Variants in IQCJ observed in about 807,000 individuals in gnomAD.
The protein encoded by IQCJ is IQ motif containing J.
A neutral mutation model predicts 11.0 loss-of-function variants in IQCJ; 9 were observed. The ratio of observed to expected loss-of-function variants is 0.82; its 90% CI spans 0.49 to 1.43. The LOEUF (loss-of-function observed/expected upper bound fraction) is 1.43, where lower values mean the gene tolerates loss of function less well. Among genes scored for constraint, IQCJ ranks in the 40% most tolerant of loss-of-function variants. IQCJ has a pLI of 0.00. For missense variants in IQCJ, 146 were observed against 133.2 expected (o/e 1.10, Z -0.47); for synonymous variants, 55 against 51.3 (o/e 1.07, Z -0.31).
At chr3:159,170,488 G>T (rs913131390) in intron 1 of IQCJ, among the ~76,000 whole-genome samples, 9 of 152,116 alleles carry the variant, frequency 5.9e-5, no homozygotes, top group Admixed American at 3.3e-4. Flanking sequence ...TGGCCGGTTT[G>T]CTATTTTGAA....
At chr3:159,214,026 C>A (rs139716070) in intron 1 of IQCJ, among the ~76,000 whole-genome samples, 2 of 152,158 alleles carry the variant, frequency 1.3e-5, no homozygotes, top group Admixed American at 1.3e-4. Context: ...GACACACTTT[C>A]CCTGGGAAAT....
intron 1 of IQCJ, among the ~76,000 whole-genome samples, chr3:159,241,608 G>A (rs142728667): frequency 1.6e-3 from 247 of 152,192 alleles, no homozygotes; most frequent in African/African-American, 5.8e-3. Context: ...TGTCACAGAT[G>A]CAAATACTTC....
At chr3:159,153,635 A>G (rs938463334) in intron 1 of IQCJ, among the ~76,000 whole-genome samples, 2 of 152,262 alleles carry the variant, frequency 1.3e-5, no homozygotes, top group African/African-American at 4.8e-5. Flanking sequence ...TAAATGTGAA[A>G]GGCCAACTGC....
At chr3:159,158,844 C>T (rs1220649567) in intron 1 of IQCJ, among the ~76,000 whole-genome samples, 2 of 152,178 alleles carry the variant, frequency 1.3e-5, no homozygotes, top group Non-Finnish European at 2.9e-5. Flanking sequence ...TGACCCACTC[C>T]TAGTGTCCTA....
intron 1 of IQCJ, among the ~76,000 whole-genome samples, chr3:159,092,599 G>A (rs958086941): frequency 2.0e-5 from 3 of 151,452 alleles, no homozygotes; most frequent in Non-Finnish European, 4.4e-5. Flanking sequence ...TCGGGAGGCT[G>A]AGGCAGGAGA....
At chr3:159,246,046 C>A (rs1727253250) in intron 2 of IQCJ, 139 bp downstream of exon 2, 1 of 622,164 alleles carries the variant, frequency 1.6e-6, no homozygotes, top group Admixed American at 3.1e-5. Flanking sequence ...AAATGTGGCT[C>A]ATTTGAGATA....
intron 1 of IQCJ, among the ~76,000 whole-genome samples, chr3:159,165,680 C>T (rs1722122825): frequency 6.6e-6 from 1 of 151,670 alleles, no homozygotes; most frequent in South Asian, 2.1e-4. Context: ...GTGGCTCGAC[C>T]TCGGCTCACT....
At chr3:159,240,071 T>TA (rs747863912) in intron 1 of IQCJ, among the ~76,000 whole-genome samples, 11 of 151,932 alleles carry the variant, frequency 7.2e-5, no homozygotes, top group African/African-American at 1.9e-4. Context: ...GTGATATGAT[T>TA]AAAAAAAATA....
chr3:159,131,002 A>T (rs1364123860), intron 1 of IQCJ, among the ~76,000 whole-genome samples: 1 of 152,172 alleles, frequency 6.6e-6, no homozygotes, highest in African/African-American at 2.4e-5. Flanking sequence ...ACCTCTCAGG[A>T]TTATTCTAGG....
intron 1 of IQCJ, among the ~76,000 whole-genome samples, chr3:159,194,656 T>C (rs1047696420): frequency 6.6e-6 from 1 of 152,232 alleles, no homozygotes; most frequent in Non-Finnish European, 1.5e-5. Flanking sequence ...TAGCCTTGCA[T>C]AGTATATCTA....
At chr3:159,089,805 C>T (rs1346903486) in intron 1 of IQCJ, among the ~76,000 whole-genome samples, 1 of 151,554 alleles carries the variant, frequency 6.6e-6, no homozygotes, top group Non-Finnish European at 1.5e-5. Flanking sequence ...ATTGGTTATT[C>T]TAGTTATACA....
intron 1 of IQCJ, among the ~76,000 whole-genome samples, chr3:159,180,747 C>A (rs1191903446): frequency 6.6e-6 from 1 of 151,920 alleles, no homozygotes; most frequent in Non-Finnish European, 1.5e-5. Context: ...ATGGGAAATT[C>A]AGAAATGGCA....
chr3:159,188,501 A>G (rs1723502851), intron 1 of IQCJ, among the ~76,000 whole-genome samples: 1 of 152,236 alleles, frequency 6.6e-6, no homozygotes, highest in African/African-American at 2.4e-5. Context: ...GATTGGTAAG[A>G]GCACATAGAG....
At chr3:159,123,759 G>C (rs773969403) in intron 1 of IQCJ, among the ~76,000 whole-genome samples, 1 of 152,178 alleles carries the variant, frequency 6.6e-6, no homozygotes, top group Non-Finnish European at 1.5e-5. Context: ...GCTGTCAGGA[G>C]TGAGGACCTT....
intron 1 of IQCJ, among the ~76,000 whole-genome samples, chr3:159,132,867 C>T (rs377663165): frequency 8.5e-5 from 13 of 152,136 alleles, no homozygotes; most frequent in African/African-American, 3.1e-4. Flanking sequence ...CATGACCCTC[C>T]GTTTAAAATT....
chr3:159,255,774 C>G (rs1727861696), intron 3 of IQCJ, among the ~76,000 whole-genome samples: 1 of 152,152 alleles, frequency 6.6e-6, no homozygotes, highest in African/African-American at 2.4e-5. Context: ...GATCGTATGG[C>G]TATTAATGAA....
intron 1 of IQCJ, among the ~76,000 whole-genome samples, chr3:159,083,200 G>T (rs1354433865): frequency 6.6e-6 from 1 of 152,096 alleles, no homozygotes; most frequent in Non-Finnish European, 1.5e-5. Flanking sequence ...GACAATATTT[G>T]CAAATGGCAT....
intron 1 of IQCJ, among the ~76,000 whole-genome samples, chr3:159,114,160 G>T (rs975782814): frequency 6.6e-6 from 1 of 152,132 alleles, no homozygotes; most frequent in Admixed American, 6.5e-5. Context: ...AGCTGACCTC[G>T]CATTGTCTGC....
At chr3:159,091,840 A>G (rs1237091402) in intron 1 of IQCJ, among the ~76,000 whole-genome samples, 4 of 151,810 alleles carry the variant, frequency 2.6e-5, no homozygotes, top group Admixed American at 2.6e-4. Context: ...TAGTGATTCT[A>G]AAAAGAAAGA....
Sources: gnomAD v4.1 joint callset for allele counts (sites outside exome capture counted in the v4.1 genomes callset) on GRCh38, gnomAD v4.1.1 for gene constraint, MANE v1.5 for transcripts, NCBI Gene and HGNC (gene_info 2026-07-23, HGNC 2026-07-21) for gene names.